TRARG1: variants seen among roughly 807,000 people sequenced by gnomAD.
The protein encoded by TRARG1 is trafficking regulator of GLUT4 (SLC2A4) 1 (gene/pseudogene), also known as trafficking regulator of GLUT4 1.
In TRARG1, 16 loss-of-function variants were observed where a neutral mutation model predicts 13.3. The observed-to-expected ratio is 1.20, with a 90% CI of 0.81 to 1.83. The LOEUF is 1.83. Among genes scored for constraint, TRARG1 ranks in the 40% most tolerant of loss-of-function variants. The pLI is 0.00. For missense variants in TRARG1, 250 were observed against 237.4 expected (o/e 1.05, Z -0.35); for synonymous variants, 113 against 106.2 (o/e 1.06, Z -0.39).
chr17:1,282,303 T>C (rs1478030805), intron 1 of TRARG1, among the ~76,000 whole-genome samples: 10 of 151,912 alleles, frequency 6.6e-5, no homozygotes, highest in African/African-American at 2.4e-4. Flanking sequence ...TACGTATATG[T>C]ACATATGCGT....
At chr17:1,291,997 C>G (rs2072072779) in intron 1 of TRARG1, among the ~76,000 whole-genome samples, 1 of 152,060 alleles carries the variant, frequency 6.6e-6, no homozygotes, top group Non-Finnish European at 1.5e-5. Flanking sequence ...CATGATGAAA[C>G]CCCATCTCTA....
intron 1 of TRARG1, among the ~76,000 whole-genome samples, chr17:1,284,454 G>A (rs945379984): frequency 2.6e-5 from 4 of 152,182 alleles, no homozygotes; most frequent in Admixed American, 2.6e-4. Flanking sequence ...TGGAGGGGAT[G>A]AGGCTGGCGT....
At position 1,300,251 on chromosome 17, in the gene TRARG1, G is replaced by A. The variant is rs1204073306; in HGVS notation, c.*1987G>A. 2.0e-5 allele frequency: 3 copies of A among 152,442 alleles called. No homozygotes were observed. The East Asian group carries it at 5.8e-4, about 29-fold the overall frequency. The allele number at this position is 152,442 out of a possible 1,614,324, so 9.4% of individuals were successfully genotyped here. ...CACAGGCTCTGGCTCTGGAAGGAGG[G>A]ATGATGAGTGGGCGTTTTCCCGGCA... is the stretch of plus-strand genomic sequence containing the variant. On this transcript the variant is annotated 3_prime_UTR_variant, in exon 3 of 3. Transcript: ENST00000333813.
At chr17:1,290,576 G>A (rs546210144) in intron 1 of TRARG1, among the ~76,000 whole-genome samples, 3 of 152,230 alleles carry the variant, frequency 2.0e-5, no homozygotes, top group South Asian at 2.1e-4. Flanking sequence ...CATTACAGGC[G>A]TGAGCCACTG....
At chr17:1,281,719 C>T (rs948357138) in intron 1 of TRARG1, among the ~76,000 whole-genome samples, 2 of 152,054 alleles carry the variant, frequency 1.3e-5, no homozygotes, top group African/African-American at 4.8e-5. Context: ...GCAGGGCCTG[C>T]CTCTTGGTTA....
rs2072132157 is a variant in TRARG1, at chr17:1,298,806, T to A, written c.*542T>A. ...GGCCCCGAGCGCAGAGGCGGAGCTG[T>A]GCTCAGCACAGGCCTGGGACCTCCC... is the stretch of plus-strand genomic sequence containing the variant. On this transcript the variant is annotated 3_prime_UTR_variant, in exon 3 of 3. Coordinates refer to ENST00000333813, the MANE Select transcript of TRARG1 (RefSeq NM_172367.3). The A allele has an allele frequency of 6.6e-6, 1 of 151,784 alleles. No homozygotes were observed. Among genetic ancestry groups the A allele is most frequent in the South Asian group, 2.0e-4 (1 of 4,938 alleles). The allele number at this position is 151,784 out of a possible 1,614,324, so 9.4% of individuals were successfully genotyped here.
chr17:1,290,398 T>C (rs1598192627), intron 1 of TRARG1, among the ~76,000 whole-genome samples: 1 of 152,164 alleles, frequency 6.6e-6, no homozygotes, highest in Middle Eastern at 3.4e-3. Flanking sequence ...CAGGCTCAAG[T>C]GATCCTCCTG....
chr17:1,284,097 A>G (rs2072003604), intron 1 of TRARG1, among the ~76,000 whole-genome samples: 1 of 151,460 alleles, frequency 6.6e-6, no homozygotes, highest in Non-Finnish European at 1.5e-5. Flanking sequence ...CCTGGGCGAC[A>G]GAGCAAGATT....
intron 1 of TRARG1, among the ~76,000 whole-genome samples, chr17:1,286,753 GTGT>G (rs2072028109): frequency 7.0e-6 from 1 of 143,044 alleles, no homozygotes; most frequent in African/African-American, 2.6e-5. Flanking sequence ...GGCCTGTGGG[GTGT>G]TATCAGCCTG....
At chr17:1,288,495 T>C (rs564884470) in intron 1 of TRARG1, among the ~76,000 whole-genome samples, 273 of 16,994 alleles carry the variant, frequency 0.016, no homozygotes, top group Middle Eastern at 0.062. Context: ...CCCATGGGTT[T>C]CCCATCCCCC....
intron 1 of TRARG1, among the ~76,000 whole-genome samples, chr17:1,293,559 A>G (rs541669015): frequency 1.3e-5 from 1 of 74,500 alleles, no homozygotes; most frequent in East Asian, 3.5e-4. Flanking sequence ...GAGTTTGATG[A>G]TGTCGTGGGT....
At chr17:1,282,517 C>G (rs545280623) in intron 1 of TRARG1, among the ~76,000 whole-genome samples, 12 of 151,238 alleles carry the variant, frequency 7.9e-5, no homozygotes, top group African/African-American at 2.4e-4. Flanking sequence ...ATTACAGGAG[C>G]CCACCACCAC....
chr17:1,286,722 C>T (rs1362725038), intron 1 of TRARG1, among the ~76,000 whole-genome samples: 33 of 111,842 alleles, frequency 3.0e-4, no homozygotes, highest in African/African-American at 9.1e-4. Flanking sequence ...GTGTTGTTTT[C>T]GGCCTGCGGG....
chr17:1,290,178 C>A lies in TRARG1; in HGVS notation c.388-5313C>A, dbSNP rs576206963. ...CTCAATCTCCACCCCGTACTCTACA[C>A]AGTAGTCAGAGAACATTCCTAAAAT... On this transcript the variant is annotated intron_variant, in intron 1 of 2. Transcript: ENST00000333813. 3.3e-5 allele frequency among the ~76,000 whole-genome samples: 5 copies of A among 152,390 alleles called. 1 individual carries two copies. The Middle Eastern group carries it at 0.017, about 518-fold the overall frequency.
rs369302621 is a variant in TRARG1, at chr17:1,295,515, A to G, written c.412A>G (p.Asn138Asp). ...GTCTCGAAGCAGCATGCAACAGGGC[A>G]ACGTGGACGGCGCCCGGAGGCTGGG... ...IMSRSSMQQG[N>D]VDGARRLGRL... Residue 138 changes from asparagine to aspartate, a missense_variant, in exon 2 of 3, where the codon AAC (asparagine) becomes GAC (aspartate). Physicochemically the swap from Asn to Asp is conservative, Grantham distance 23. Transcript: ENST00000333813. 20 of 1,611,208 alleles carry G rather than the reference A, an allele frequency of 1.2e-5. No individual in the cohort carries two copies. Among genetic ancestry groups the G allele is most frequent in the Non-Finnish European group, 1.6e-5 (19 of 1,178,994 alleles).
At chr17:1,284,826 G>A (rs1156534973) in intron 1 of TRARG1, among the ~76,000 whole-genome samples, 4 of 151,858 alleles carry the variant, frequency 2.6e-5, no homozygotes, top group African/African-American at 7.3e-5. Context: ...GACTACAGGC[G>A]CCCGCCACCA....
chr17:1,294,393 T>C (rs2072095635), intron 1 of TRARG1, among the ~76,000 whole-genome samples: 1 of 151,742 alleles, frequency 6.6e-6, no homozygotes, highest in African/African-American at 2.4e-5. Context: ...CATTCTTTTG[T>C]GTGATCCGGG....
chr17:1,282,228 A>G (rs925994267), intron 1 of TRARG1, among the ~76,000 whole-genome samples: 3 of 140,818 alleles, frequency 2.1e-5, no homozygotes, highest in African/African-American at 5.6e-5. Context: ...ACACGTGCGT[A>G]TATGTACGTA....
chr17:1,282,019 T>TATAC (rs1278650405), intron 1 of TRARG1, among the ~76,000 whole-genome samples: 3 of 142,530 alleles, frequency 2.1e-5, no homozygotes, highest in African/African-American at 7.7e-5. Context: ...TATGTACATA[T>TATAC]ACATATGTAC....
Sources: allele counts gnomAD v4.1 joint callset (sites outside exome capture counted in the v4.1 genomes callset), GRCh38; gene constraint gnomAD v4.1.1; transcripts MANE v1.5; gene names NCBI Gene and HGNC (gene_info 2026-07-23, HGNC 2026-07-21).